CSMD1: variants seen among roughly 807,000 people sequenced by gnomAD.
CSMD1 encodes CUB and Sushi multiple domains 1.
In CSMD1, 213 loss-of-function variants were observed where a neutral mutation model predicts 417.5. That is an observed-to-expected ratio of 0.51 (90% CI 0.46 to 0.57). The LOEUF is 0.57. Ranked by LOEUF, CSMD1 falls within the 20% of genes least tolerant of loss-of-function variation. The pLI, the probability that CSMD1 is intolerant of heterozygous loss-of-function variation, is 0.00. For synonymous variants in CSMD1, 2,862 were observed against 1,736.8 expected (o/e 1.65, Z -16.11); for missense variants, 6,923 against 4,529.7 (o/e 1.53, Z -15.17).
rs1443912259 is a variant in CSMD1 at position 4,265,810 on chromosome 8, C to G, written c.415+154143G>C. Among the ~76,000 whole-genome samples the G allele has an allele frequency of 1.5e-4, 16 of 104,814 alleles. 6 individuals carry two copies. Among genetic ancestry groups the G allele is most frequent in the Admixed American group, 1.4e-3 (16 of 11,068 alleles). The allele number at this position is 104,814 out of a possible 152,430, so 68.8% of individuals were successfully genotyped here. Reference sequence around the variant, plus strand: ...TGATGTTGACTTTTATAAACTCTCACCATTTACCTATCAACTTGGTTACCC... The same window carrying G: ...TGATGTTGACTTTTATAAACTCTCAGCATTTACCTATCAACTTGGTTACCC... On this transcript the variant is annotated intron_variant, in intron 3 of 69. Transcript: ENST00000635120.
intron 3 of CSMD1, among the ~76,000 whole-genome samples, chr8:4,298,483 ATTT>A (rs1444410668): frequency 1.3e-5 from 2 of 152,176 alleles, no homozygotes; most frequent in Non-Finnish European, 2.9e-5. Flanking sequence ...AATGTATATT[ATTT>A]GAGTAATGGA....
At chr8:3,243,420 G>A (rs1211095318) in intron 26 of CSMD1, among the ~76,000 whole-genome samples, 2 of 150,668 alleles carry the variant, frequency 1.3e-5, no homozygotes, top group Non-Finnish European at 3.0e-5. Context: ...CGAAAAGAGA[G>A]TCACTGAAGG....
chr8:3,167,611 T>C (rs147877577), intron 37 of CSMD1, among the ~76,000 whole-genome samples: 149 of 152,338 alleles, frequency 9.8e-4, no homozygotes, highest in Non-Finnish European at 1.2e-3. Flanking sequence ...GATGCTTCTA[T>C]GTAAAATTGC....
chr8:3,128,944 C>G (rs1161952916), intron 41 of CSMD1: 1 of 427,216 alleles, frequency 2.3e-6, no homozygotes, highest in Non-Finnish European at 4.6e-6. Flanking sequence ...GGGTATCTCA[C>G]AAATCCTTTA....
intron 2 of CSMD1, among the ~76,000 whole-genome samples, chr8:4,553,172 G>C (rs1797944661): frequency 6.6e-6 from 1 of 152,178 alleles, no homozygotes; most frequent in Non-Finnish European, 1.5e-5. Context: ...GTTTTCAGTT[G>C]TCGCCTCCCT....
intron 10 of CSMD1, among the ~76,000 whole-genome samples, chr8:3,570,273 G>T (rs768491949): frequency 6.6e-6 from 1 of 152,152 alleles, no homozygotes; most frequent in Non-Finnish European, 1.5e-5. Flanking sequence ...TCTTTCCTTG[G>T]TGTCTGGCTT....
intron 25 of CSMD1, among the ~76,000 whole-genome samples, chr8:3,288,596 T>C (rs144378757): frequency 0.04 from 5,908 of 147,406 alleles, 464 homozygotes; most frequent in Admixed American, 0.094. Context: ...TAGAGGTGTT[T>C]ATAGTATTCT....
At chr8:4,401,566 C>A (rs1804644794) in intron 3 of CSMD1, among the ~76,000 whole-genome samples, 2 of 152,138 alleles carry the variant, frequency 1.3e-5, no homozygotes, top group South Asian at 4.1e-4. Context: ...TGCTTTGAGC[C>A]TGTCTAGACC....
At chr8:4,546,727 T>A (rs1797655291) in intron 2 of CSMD1, among the ~76,000 whole-genome samples, 1 of 152,094 alleles carries the variant, frequency 6.6e-6, no homozygotes, top group African/African-American at 2.4e-5. Context: ...CATAGCTAAG[T>A]CAATTCCCAT....
chr8:4,044,746 G>GTACAACCCTGGGCATA, intron 3 of CSMD1, among the ~76,000 whole-genome samples: 1 of 106,846 alleles, frequency 9.4e-6, no homozygotes, highest in East Asian at 2.0e-4. Flanking sequence ...CCCTGGGCAT[G>GTACAACCCTGGGCATA]TACCACCCTG....
At chr8:4,633,061 G>C (rs1442647466) in intron 2 of CSMD1, among the ~76,000 whole-genome samples, 1 of 152,122 alleles carries the variant, frequency 6.6e-6, no homozygotes, top group Non-Finnish European at 1.5e-5. Flanking sequence ...TAGAAGCCAG[G>C]GCTAGGACAG....
chr8:4,721,538 T>G (rs1281708999), intron 1 of CSMD1, among the ~76,000 whole-genome samples: 1 of 152,196 alleles, frequency 6.6e-6, no homozygotes, highest in Non-Finnish European at 1.5e-5. Context: ...TTAGTATGGC[T>G]ATTATCAAAA....
chr8:3,500,516 AATGAGG>A (rs1270894830), intron 10 of CSMD1, among the ~76,000 whole-genome samples: 3 of 152,304 alleles, frequency 2.0e-5, no homozygotes, highest in Admixed American at 2.0e-4. Context: ...AAAGAAGAGG[AATGAGG>A]ATGAGCTGCA....
At position 3,795,115 on chromosome 8, in the gene CSMD1, G is replaced by GATAC. The variant is rs1554439929; in HGVS notation, c.819-41074_819-41073insGTAT. On this transcript the variant is annotated intron_variant, in intron 5 of 69. Coordinates refer to ENST00000635120, the MANE Select transcript of CSMD1 (RefSeq NM_033225.6). ...TATATATCTATCATGTACAGCTATAGATATCTATCATGTACAGCTATAGAT... is the reference window on the plus strand; with the variant it reads ...TATATATCTATCATGTACAGCTATAGATACATATCTATCATGTACAGCTATAGAT... Among the ~76,000 whole-genome samples the GATAC allele has an allele frequency of 1.0e-3, 83 of 83,128 alleles. 9 individuals are homozygous for GATAC. The highest frequency in any genetic ancestry group is 3.9e-3 in the African/African-American group (71 of 18,330). 54.5% of individuals were successfully genotyped at this position (83,128 alleles called of 152,430 possible). A position where few individuals can be genotyped will look rare whatever the true frequency, so the allele number is the denominator to read the frequency against.
chr8:4,383,318 G>A (rs957093309), intron 3 of CSMD1, among the ~76,000 whole-genome samples: 1 of 152,138 alleles, frequency 6.6e-6, no homozygotes, highest in Non-Finnish European at 1.5e-5. Context: ...GGCATGGGGG[G>A]ATCTCTGAGT....
chr8:3,234,762 C>T (rs1281629542), intron 26 of CSMD1, among the ~76,000 whole-genome samples: 1 of 152,190 alleles, frequency 6.6e-6, no homozygotes, highest in Non-Finnish European at 1.5e-5. Context: ...ACGTAGAACA[C>T]TAATCATAGA....
At chr8:3,215,457 C>G (rs939785199) in intron 29 of CSMD1, among the ~76,000 whole-genome samples, 2 of 152,118 alleles carry the variant, frequency 1.3e-5, no homozygotes, top group African/African-American at 4.8e-5. Context: ...ATTCTAATCT[C>G]CAGGACACCT....
At chr8:4,296,083 G>T (rs1797666430) in intron 3 of CSMD1, among the ~76,000 whole-genome samples, 1 of 152,034 alleles carries the variant, frequency 6.6e-6, no homozygotes, top group Admixed American at 6.6e-5. Context: ...TGTGCTCTCT[G>T]TTGTTTTTCT....
intron 31 of CSMD1, among the ~76,000 whole-genome samples, chr8:3,202,362 G>A (rs533905129): frequency 6.6e-5 from 10 of 152,214 alleles, no homozygotes; most frequent in African/African-American, 9.6e-5. Context: ...ACTTATACAC[G>A]TGATTCTCTG....
Sources: gnomAD v4.1 joint callset for allele counts (sites outside exome capture counted in the v4.1 genomes callset) on GRCh38, gnomAD v4.1.1 for gene constraint, MANE v1.5 for transcripts, NCBI Gene and HGNC (gene_info 2026-07-23, HGNC 2026-07-21) for gene names.